Variants in LDB2 observed in about 807,000 individuals in gnomAD.
LDB2 encodes LIM domain-binding protein 2.
In LDB2, 12 loss-of-function variants were observed where a neutral mutation model predicts 44.3. That is an observed-to-expected ratio of 0.27 (90% CI 0.17 to 0.44). The LOEUF (loss-of-function observed/expected upper bound fraction) is 0.44, where lower values mean the gene tolerates loss of function less well. Among genes scored for constraint, LDB2 ranks in the 20% least tolerant of loss-of-function variants. The pLI is 1.00. For synonymous variants in LDB2, 164 were observed against 174.8 expected, an observed-to-expected ratio of 0.94 and a Z score of 0.49; for missense variants, 344 against 473.5, an observed-to-expected ratio of 0.73 and a Z score of 2.54.
intron 1 of LDB2, among the ~76,000 whole-genome samples, chr4:16,837,959 C>T (rs1785176093): frequency 6.6e-6 from 1 of 152,160 alleles, no homozygotes; most frequent in African/African-American, 2.4e-5. Context: ...AAAACTTGTA[C>T]ATGAGACTGT....
At chr4:16,642,219 T>A (rs1735392769) in intron 2 of LDB2, among the ~76,000 whole-genome samples, 1 of 152,146 alleles carries the variant, frequency 6.6e-6, no homozygotes, top group South Asian at 2.1e-4. Flanking sequence ...GAGAGAGGAA[T>A]GAGATCATGC....
chr4:16,838,042 C>T (rs551716228), intron 1 of LDB2, among the ~76,000 whole-genome samples: 1 of 152,120 alleles, frequency 6.6e-6, no homozygotes, highest in Non-Finnish European at 1.5e-5. Flanking sequence ...AGAGAAGGTG[C>T]AAAATAAGGC....
At chr4:16,583,334 C>T (rs1715469594) in intron 5 of LDB2, among the ~76,000 whole-genome samples, 1 of 152,154 alleles carries the variant, frequency 6.6e-6, no homozygotes, top group African/African-American at 2.4e-5. Flanking sequence ...TTTTAAAGTT[C>T]TTCAACTGCA....
chr4:16,796,706 C>T (rs1776813375), intron 1 of LDB2, among the ~76,000 whole-genome samples: 1 of 152,130 alleles, frequency 6.6e-6, no homozygotes, highest in African/African-American at 2.4e-5. Flanking sequence ...AATACTAAGT[C>T]AGCCAGGTGA....
rs139706056 is a variant in LDB2, at chr4:16,585,789, A to T, written c.615+133T>A. 227 of 633,586 alleles carry T rather than the reference A, an allele frequency of 3.6e-4. 3 individuals carry two copies. In the East Asian group the frequency reaches 6.2e-3, roughly 17 times the overall value. 39.2% of individuals were successfully genotyped at this position (633,586 alleles called of 1,614,324 possible). The stretch of plus-strand genomic sequence containing the variant: ...CCATTGAAAACACACACACACACAC[A>T]TACATCTGGTACAGAACATAGACAC... On this transcript the variant is annotated intron_variant, in intron 5 of 7. Transcript: ENST00000304523.
intron 2 of LDB2, among the ~76,000 whole-genome samples, chr4:16,669,794 C>G (rs975893509): frequency 6.6e-6 from 1 of 152,188 alleles, no homozygotes; most frequent in Non-Finnish European, 1.5e-5. Context: ...CTTCACTTTC[C>G]TCATTCACAT....
chr4:16,641,757 G>A (rs955349715), intron 2 of LDB2, among the ~76,000 whole-genome samples: 7 of 152,092 alleles, frequency 4.6e-5, no homozygotes, highest in Admixed American at 4.6e-4. Context: ...TGAGATTTGA[G>A]GGGGACACAT....
At chr4:16,790,604 T>TTTCAGAAC (rs146870045) in intron 1 of LDB2, among the ~76,000 whole-genome samples, 1,966 of 152,328 alleles carry the variant, frequency 0.013, 32 homozygotes, top group East Asian at 0.078. Flanking sequence ...AGGATGCGTT[T>TTTCAGAAC]TTCAGAACGT....
chr4:16,898,457 T>A lies in LDB2; in HGVS notation c.29A>T (p.Tyr10Phe), dbSNP rs749078876. The A allele has an allele frequency of 2.5e-6, 4 of 1,613,538 alleles. No individual in the cohort carries two copies. In the South Asian group the frequency reaches 3.3e-5, roughly 13 times the overall value. Residue 10 changes from tyrosine (Y) to phenylalanine (F), a missense_variant, in exon 1 of 8, where the codon TAT becomes TTT. Physicochemically the swap from Tyr to Phe is conservative, Grantham distance 22. Coordinates refer to ENST00000304523, the MANE Select transcript of LDB2 (RefSeq NM_001290.5). ...ATAAAATGGGCCGAAAGGAGAAGAA[T>A]AGAAGGGGTCATGTGGTGTGCTGGA... Reference protein sequence around the residue: MSSTPHDPFYSSPFGPFYRR... With the variant: MSSTPHDPFFSSPFGPFYRR...
chr4:16,734,265 C>A (rs1761382485), intron 2 of LDB2, among the ~76,000 whole-genome samples: 1 of 152,094 alleles, frequency 6.6e-6, no homozygotes, highest in Non-Finnish European at 1.5e-5. Context: ...GTTTGAAAAC[C>A]CACTCACTGG....
intron 1 of LDB2, among the ~76,000 whole-genome samples, chr4:16,779,894 T>C (rs555448588): frequency 1.3e-5 from 2 of 152,248 alleles, no homozygotes; most frequent in Non-Finnish European, 2.9e-5. Context: ...TTTTTCATTT[T>C]CTTCTCCAAA....
At chr4:16,763,301 G>C (rs1475089143) in intron 1 of LDB2, among the ~76,000 whole-genome samples, 3 of 152,146 alleles carry the variant, frequency 2.0e-5, no homozygotes, top group Non-Finnish European at 4.4e-5. Flanking sequence ...CTCAGCTCGG[G>C]AAATCACTTT....
At chr4:16,603,394 A>C (rs1395041678) in intron 2 of LDB2, among the ~76,000 whole-genome samples, 1 of 152,196 alleles carries the variant, frequency 6.6e-6, no homozygotes, top group African/African-American at 2.4e-5. Context: ...AGGGCGCAGC[A>C]AGAGAGTGGT....
Position 16,585,772 on chromosome 4 carries a change from A to AAC in LDB2, c.615+148_615+149dup, listed in dbSNP as rs112653284. On this transcript the variant is annotated intron_variant, in intron 5 of 7. Coordinates refer to ENST00000304523, the MANE Select transcript of LDB2 (RefSeq NM_001290.5). ...TAATTAAACCCTGTCCTCCATTGAAAACACACACACACACACATACATCTG... is the reference window on the plus strand; with the variant it reads ...TAATTAAACCCTGTCCTCCATTGAAAACACACACACACACACACATACATCTG... 3.2e-3 allele frequency: 1,767 copies of AAC among 555,548 alleles called. 4 individuals are homozygous for AAC. Among genetic ancestry groups the AAC allele is most frequent in the African/African-American group, 0.015 (798 of 52,786 alleles). The allele number at this position is 555,548 out of a possible 1,614,324, so 34.4% of individuals were successfully genotyped here. A position where few individuals can be genotyped will look rare whatever the true frequency, so the allele number is the denominator to read the frequency against.
chr4:16,822,855 T>C (rs1782360386), intron 1 of LDB2, among the ~76,000 whole-genome samples: 1 of 152,194 alleles, frequency 6.6e-6, no homozygotes, highest in Admixed American at 6.5e-5. Flanking sequence ...ACTAAGCACA[T>C]ACTATGTGCC....
At chr4:16,595,349 A>C (rs1578089148) in intron 3 of LDB2, among the ~76,000 whole-genome samples, 1 of 152,210 alleles carries the variant, frequency 6.6e-6, no homozygotes, top group African/African-American at 2.4e-5. Context: ...GCTGAAATAC[A>C]GTGCTGACCA....
intron 3 of LDB2, among the ~76,000 whole-genome samples, chr4:16,595,147 C>T (rs760351060): frequency 2.0e-5 from 3 of 152,038 alleles, no homozygotes; most frequent in Non-Finnish European, 2.9e-5. Flanking sequence ...TGTGATAATC[C>T]GATCCTGACA....
intron 1 of LDB2, among the ~76,000 whole-genome samples, chr4:16,768,235 GAGC>G (rs1769806771): frequency 6.6e-6 from 1 of 151,982 alleles, no homozygotes; most frequent in Admixed American, 6.5e-5. Flanking sequence ...TCAAAGTGGA[GAGC>G]ATTCTGAAGG....
chr4:16,733,657 T>C (rs1415405176), intron 2 of LDB2, among the ~76,000 whole-genome samples: 3 of 152,204 alleles, frequency 2.0e-5, no homozygotes, highest in African/African-American at 7.2e-5. Context: ...AGTCTTTGTG[T>C]GGCACCAGCG....
Sources: allele counts gnomAD v4.1 joint callset (sites outside exome capture counted in the v4.1 genomes callset), GRCh38; gene constraint gnomAD v4.1.1; transcripts MANE v1.5; gene names NCBI Gene and HGNC (gene_info 2026-07-23, HGNC 2026-07-21).